CLUL1: variants seen among roughly 807,000 people sequenced by gnomAD.
The protein encoded by CLUL1 is clusterin like 1.
In CLUL1, 43 loss-of-function variants were observed where a neutral mutation model predicts 49.4. That is an observed-to-expected ratio of 0.87 (90% CI 0.68 to 1.12). CLUL1 has a LOEUF of 1.12. CLUL1 is among the 50% of genes most tolerant of loss of function. CLUL1 has a pLI of 0.00. For missense variants in CLUL1, 486 were observed against 544.4 expected (o/e 0.89, Z 1.07); for synonymous variants, 192 against 184.9 (o/e 1.04, Z -0.31).
chr18:626,668 G>C lies in CLUL1; in HGVS notation c.424-429G>C, dbSNP rs140527697. Among the ~76,000 whole-genome samples, 160 of 150,652 alleles carry C rather than the reference G, an allele frequency of 1.1e-3. 1 individual carries two copies. The Middle Eastern group carries it at 0.024, about 22-fold the overall frequency. ...GAGCTCAGGAGTTCGAGACCAGCCT[G>C]GGCAACACGGTAAAACCCTGTCTGT... On this transcript the variant is annotated intron_variant, in intron 5 of 9. Coordinates refer to ENST00000692774, the MANE Select transcript of CLUL1 (RefSeq NM_001393344.1).
chr18:610,650 A>T (rs1006174275), intron 2 of CLUL1, among the ~76,000 whole-genome samples: 2 of 152,160 alleles, frequency 1.3e-5, no homozygotes, highest in Admixed American at 1.3e-4. Context: ...ACAGAGGAAG[A>T]AGGGTCAGGA....
intron 9 of CLUL1, among the ~76,000 whole-genome samples, chr18:647,858 C>T (rs144223455): frequency 2.0e-5 from 3 of 152,164 alleles, no homozygotes; most frequent in African/African-American, 7.2e-5. Context: ...GACATTTACC[C>T]ATGTGACTCT....
At chr18:630,630 T>C (rs1400609450) in intron 6 of CLUL1, among the ~76,000 whole-genome samples, 1 of 146,810 alleles carries the variant, frequency 6.8e-6, no homozygotes, top group Non-Finnish European at 1.5e-5. Context: ...TAGAAATGAA[T>C]TCTCCTCTAG....
At chr18:639,558 A>ATCCT (rs1314886597) in intron 7 of CLUL1, among the ~76,000 whole-genome samples, 1 of 152,032 alleles carries the variant, frequency 6.6e-6, no homozygotes, top group East Asian at 1.9e-4. Flanking sequence ...TAAGGCCAGG[A>ATCCT]GTTCGAGACC....
At position 623,948 on chromosome 18, in the gene CLUL1, C is replaced by T. The variant is rs527845614; in HGVS notation, c.256-917C>T. On this transcript the variant is annotated intron_variant, in intron 4 of 9. Coordinates refer to ENST00000692774, the MANE Select transcript of CLUL1 (RefSeq NM_001393344.1). ...TAGCTCTGAGGCTGTCTTCTTATGG[C>T]CAGATCCACTATACTCACTTCATTC... Among the ~76,000 whole-genome samples the T allele has an allele frequency of 3.4e-3, 514 of 152,304 alleles. 3 individuals are homozygous for T. Among genetic ancestry groups the T allele is most frequent in the African/African-American group, 0.012 (485 of 41,560 alleles).
At chr18:608,808 TA>T in intron 2 of CLUL1, among the ~76,000 whole-genome samples, 1 of 152,352 alleles carries the variant, frequency 6.6e-6, no homozygotes, top group Admixed American at 6.5e-5. Flanking sequence ...GCCTTTTAGA[TA>T]AAAATCTGGC....
chr18:647,865 CTCTT>C (rs1375114133), intron 9 of CLUL1, among the ~76,000 whole-genome samples: 14 of 152,170 alleles, frequency 9.2e-5, no homozygotes, highest in Admixed American at 8.5e-4. Flanking sequence ...ACCCATGTGA[CTCTT>C]TATGAACGTT....
In CLUL1 at chr18:624,968, TG is replaced by T. The variant is rs1567964847; in HGVS notation, c.361del (p.Glu121LysfsTer5). 4.3e-6 allele frequency: 7 copies of T among 1,614,040 alleles called. No homozygotes were observed. The East Asian group carries it at 1.6e-4, about 36-fold the overall frequency. The stretch of plus-strand genomic sequence containing the variant: ...TCCTGGGGTGAATGCAGGTCTTGCC[TG>T]GAAAATAACTGCATGAGAATTTATA... ...ADSWGECRSC[L>X]ENNCMRIYTT... On this transcript the variant is annotated frameshift_variant, in exon 5 of 10. Coordinates refer to ENST00000692774, the MANE Select transcript of CLUL1 (RefSeq NM_001393344.1). LOFTEE classifies it high-confidence loss of function.
chr18:642,299 G>A (rs1163199928), intron 8 of CLUL1, among the ~76,000 whole-genome samples: 3 of 151,988 alleles, frequency 2.0e-5, no homozygotes, highest in African/African-American at 7.2e-5. Context: ...AAGTGTGATG[G>A]CACACACTTG....
At chr18:623,352 A>G (rs1223720534) in intron 4 of CLUL1, among the ~76,000 whole-genome samples, 1 of 152,144 alleles carries the variant, frequency 6.6e-6, no homozygotes, top group Non-Finnish European at 1.5e-5. Context: ...CCACTTTAAG[A>G]TGTAAGATTC....
At chr18:622,248 T>A (rs1204495522) in intron 4 of CLUL1, among the ~76,000 whole-genome samples, 1 of 152,132 alleles carries the variant, frequency 6.6e-6, no homozygotes, top group Non-Finnish European at 1.5e-5. Flanking sequence ...TAATATTTAG[T>A]GAGACTATCT....
chr18:625,589 T>C (rs1365877205), intron 5 of CLUL1, among the ~76,000 whole-genome samples: 4 of 151,454 alleles, frequency 2.6e-5, no homozygotes, highest in Non-Finnish European at 4.4e-5. Context: ...GCCCTACCCA[T>C]GTATGTAGGA....
rs1375903073 is a variant in CLUL1, at chr18:619,100, T to C, written c.107-113T>C. ...TTCATTATGATCTGCTTTCAGAATA[T>C]GAGCCTATAAGAGAACAATTAAGCC... On this transcript the variant is annotated intron_variant, in intron 3 of 9. Transcript: ENST00000692774. 5.1e-6 allele frequency: 5 copies of C among 989,548 alleles called. No homozygotes were observed. The East Asian group carries it at 1.2e-4, about 25-fold the overall frequency. The allele number at this position is 989,548 out of a possible 1,614,324, so 61.3% of individuals were successfully genotyped here. A position where few individuals can be genotyped will look rare whatever the true frequency, so the allele number is the denominator to read the frequency against.
At chr18:603,772 CA>C (rs1462899003) in intron 1 of CLUL1, among the ~76,000 whole-genome samples, 5 of 152,152 alleles carry the variant, frequency 3.3e-5, no homozygotes, top group Non-Finnish European at 7.3e-5. Context: ...TCCTTATAGC[CA>C]CACGCATTCC....
chr18:644,571 AG>A (rs879637661), intron 8 of CLUL1, among the ~76,000 whole-genome samples: 4 of 152,210 alleles, frequency 2.6e-5, no homozygotes, highest in Non-Finnish European at 4.4e-5. Flanking sequence ...AAAACTGAAA[AG>A]GGTTCTTTGT....
At chr18:626,189 T>C (rs1312460262) in intron 5 of CLUL1, among the ~76,000 whole-genome samples, 1 of 152,206 alleles carries the variant, frequency 6.6e-6, no homozygotes, top group African/African-American at 2.4e-5. Context: ...CTTGGCTTAC[T>C]GCAGCCTCCA....
chr18:647,296 C>G (rs1904772350), intron 9 of CLUL1, among the ~76,000 whole-genome samples: 1 of 148,276 alleles, frequency 6.7e-6, no homozygotes, highest in Admixed American at 6.7e-5. Context: ...CTAAAGTGGT[C>G]CCCTCCCACT....
At chr18:599,418 ATGG>A in intron 1 of CLUL1, among the ~76,000 whole-genome samples, 1 of 152,348 alleles carries the variant, frequency 6.6e-6, no homozygotes, top group South Asian at 2.1e-4. Context: ...AATTTCTAAC[ATGG>A]TGGTGCCTGG....
In CLUL1 at chr18:627,383, T is replaced by C. The variant is rs767965355; in HGVS notation, c.710T>C (p.Met237Thr). 2 of 1,614,192 alleles carry C rather than the reference T, an allele frequency of 1.2e-6. No individual in the cohort carries two copies. The highest frequency in any genetic ancestry group is 1.7e-6 in the Non-Finnish European group (2 of 1,180,026). The part of the protein sequence containing the change: ...YFFPAFSKEP[M>T]TKADLEQCWD... ...TTTCCAGCTTTCTCTAAAGAGCCGA[T>C]GACAAAAGCAGATCTTGAGCAATGT... is the stretch of plus-strand genomic sequence containing the variant. The change falls in exon 6 of 10, where the codon ATG becomes ACG. Residue 237 changes from methionine (M) to threonine (T), a missense_variant. Physicochemically the swap from Met to Thr is moderately conservative, Grantham distance 81. Transcript: ENST00000692774.
Sources: gnomAD v4.1 joint callset for allele counts (sites outside exome capture counted in the v4.1 genomes callset) on GRCh38, gnomAD v4.1.1 for gene constraint, MANE v1.5 for transcripts, NCBI Gene and HGNC (gene_info 2026-07-23, HGNC 2026-07-21) for gene names.